The following BCAS3 variants were observed in gnomAD, a reference collection of about 807,000 sequenced individuals.
BCAS3 encodes the protein BCAS3 microtubule associated cell migration factor, also known as BCAS4/BCAS3 fusion.
In BCAS3, 53 loss-of-function variants were observed where a neutral mutation model predicts 116.1. The ratio of observed to expected loss-of-function variants is 0.46; its 90% CI spans 0.37 to 0.57. The LOEUF is 0.57. Among genes scored for constraint, BCAS3 ranks in the 20% least tolerant of loss-of-function variants. The pLI is 0.00. For synonymous variants in BCAS3, 391 were observed against 408.2 expected, an observed-to-expected ratio of 0.96 and a Z score of 0.51; for missense variants, 917 against 1,165.4, an observed-to-expected ratio of 0.79 and a Z score of 3.10.
chr17:61,236,601 T>C (rs2083081959), intron 22 of BCAS3, among the ~76,000 whole-genome samples: 1 of 152,200 alleles, frequency 6.6e-6, no homozygotes, highest in Admixed American at 6.5e-5. Context: ...ATTACAGGCG[T>C]GAGCCACCGC....
Position 61,200,788 on chromosome 17 carries a change from G to A in BCAS3, c.2425+116224G>A, listed in dbSNP as rs1295309110. Among the ~76,000 whole-genome samples the A allele has an allele frequency of 6.6e-6, 1 of 152,166 alleles. No homozygotes were observed. The highest frequency in any genetic ancestry group is 1.5e-5 in the Non-Finnish European group (1 of 68,022). On this transcript the variant is annotated intron_variant, in intron 22 of 23. Transcript: ENST00000407086. The surrounding 1 kb of genome is among the most constrained non-coding windows in gnomAD (Gnocchi z 5.1). ...TAACCTGTTTGAGCCTAATAATCAA[G>A]TATTGTACTGAAATTCCAAATAGAA... is the stretch of plus-strand genomic sequence containing the variant.
chr17:61,191,648 G>A (rs1004613561), intron 22 of BCAS3, among the ~76,000 whole-genome samples: 4 of 151,860 alleles, frequency 2.6e-5, no homozygotes, highest in African/African-American at 7.3e-5. Flanking sequence ...GGTGACGGGC[G>A]CCTATAGTCC....
In BCAS3 at chr17:61,386,795, TG is replaced by T. The variant is rs1220100086; in HGVS notation, c.2594-5181del. ...ACTGTTTTTTTTTGTTTTTGTTTTT[TG>T]TTTTTTTTTTTTTTTTTGAGATGCC... On this transcript the variant is annotated intron_variant, in intron 23 of 23. Coordinates refer to ENST00000407086, the MANE Select transcript of BCAS3 (RefSeq NM_017679.5). Among the ~76,000 whole-genome samples, 56 of 109,124 alleles carry T rather than the reference TG, an allele frequency of 5.1e-4. No individual in the cohort carries two copies. The East Asian group carries it at 8.8e-3, about 17-fold the overall frequency. The allele number at this position is 109,124 out of a possible 152,430, so 71.6% of individuals were successfully genotyped here.
At chr17:61,330,451 A>G (rs1476704457) in intron 22 of BCAS3, among the ~76,000 whole-genome samples, 1 of 152,114 alleles carries the variant, frequency 6.6e-6, no homozygotes, top group East Asian at 1.9e-4. Flanking sequence ...CCAAGTGTTC[A>G]CTTTGAATTG....
chr17:61,133,284 G>C (rs1271645278), intron 22 of BCAS3, among the ~76,000 whole-genome samples: 1 of 152,192 alleles, frequency 6.6e-6, no homozygotes, highest in African/African-American at 2.4e-5. Flanking sequence ...GGTTGGGTAA[G>C]AACTTTCACA....
rs558434429 is a variant in BCAS3, at chr17:60,927,523, G to A, written c.1087+3023G>A. The stretch of plus-strand genomic sequence containing the variant: ...ACTTGCCTCGGTCTCCCAAAGTGCT[G>A]GGATTACAGGCATGAGCCACCACCC... On this transcript the variant is annotated intron_variant, in intron 13 of 23. Transcript: ENST00000407086. Among the ~76,000 whole-genome samples, 19 of 152,164 alleles carry A rather than the reference G, an allele frequency of 1.2e-4. 1 individual carries two copies. In the South Asian group the frequency reaches 3.9e-3, roughly 32 times the overall value.
intron 4 of BCAS3, among the ~76,000 whole-genome samples, chr17:60,708,835 T>C (rs1336300292): frequency 6.6e-6 from 1 of 152,152 alleles, no homozygotes; most frequent in African/African-American, 2.4e-5. Flanking sequence ...GCCTATTTAT[T>C]TGAAATAGAG....
intron 22 of BCAS3, among the ~76,000 whole-genome samples, chr17:61,341,966 C>G (rs1490418226): frequency 6.6e-6 from 1 of 152,210 alleles, no homozygotes; most frequent in African/African-American, 2.4e-5. Context: ...GAGACGTGGA[C>G]AGGCAGTGGG....
At chr17:61,341,679 A>G (rs1476532528) in intron 22 of BCAS3, among the ~76,000 whole-genome samples, 1 of 152,176 alleles carries the variant, frequency 6.6e-6, no homozygotes, top group East Asian at 1.9e-4. Context: ...GACAGTTGCA[A>G]CTGAAAAGCA....
chr17:61,045,966 A>T (rs866341706), intron 19 of BCAS3, among the ~76,000 whole-genome samples: 6 of 8,964 alleles, frequency 6.7e-4, no homozygotes, highest in Non-Finnish European at 5.7e-4. Flanking sequence ...TATATATATA[A>T]TATATATATA....
chr17:61,117,033 T>C (rs1357211962), intron 22 of BCAS3, among the ~76,000 whole-genome samples: 1 of 152,200 alleles, frequency 6.6e-6, no homozygotes, highest in African/African-American at 2.4e-5. Flanking sequence ...AATTTATGTC[T>C]CTTAAAAGTG....
intron 22 of BCAS3, among the ~76,000 whole-genome samples, chr17:61,274,867 A>T (rs150879252): frequency 6.6e-6 from 1 of 152,128 alleles, no homozygotes; most frequent in East Asian, 1.9e-4. Context: ...TAATTTTATT[A>T]ATTTATTTGG....
intron 6 of BCAS3, among the ~76,000 whole-genome samples, chr17:60,751,834 C>T (rs761149369): frequency 1.2e-4 from 19 of 152,018 alleles, no homozygotes; most frequent in South Asian, 4.2e-4. Flanking sequence ...TGAGCCACTG[C>T]GCCCAGACTG....
In BCAS3 at chr17:61,097,211, C is replaced by T. The variant is rs906162364; in HGVS notation, c.2425+12647C>T. 6.6e-5 allele frequency among the ~76,000 whole-genome samples: 10 copies of T among 152,114 alleles called. No individual in the cohort carries two copies. Among genetic ancestry groups the T allele is most frequent in the African/African-American group, 1.9e-4 (8 of 41,424 alleles). On this transcript the variant is annotated intron_variant, in intron 22 of 23. Transcript: ENST00000407086. The surrounding 1 kb of genome is among the most constrained non-coding windows in gnomAD (Gnocchi z 4.0). ...TTTTCTTTTTTGAGACTGAGTCTCG[C>T]TCTGTCACCCAGGCTGGAGTGCAGT...
At chr17:60,693,046 T>C (rs960726561) in intron 4 of BCAS3, among the ~76,000 whole-genome samples, 5 of 151,862 alleles carry the variant, frequency 3.3e-5, no homozygotes, top group African/African-American at 1.2e-4. Flanking sequence ...GGCTAATTTT[T>C]TGTATTTTTA....
At position 61,083,697 on chromosome 17, in the gene BCAS3, G is replaced by A. The variant is rs2072842243; in HGVS notation, c.2328-770G>A. Among the ~76,000 whole-genome samples, 1 of 151,420 alleles carries A rather than the reference G, an allele frequency of 6.6e-6. No homozygotes were observed. The highest frequency in any genetic ancestry group is 6.6e-5 in the Admixed American group (1 of 15,142). On this transcript the variant is annotated intron_variant, in intron 21 of 23. Transcript: ENST00000407086. This position sits in a 1 kb window ranked among gnomAD's most constrained non-coding sequence, Gnocchi z 4.9. Reference sequence around the variant, plus strand: ...TGCAACCTCTGGTTTTTGGGTTCCAGCAGTTCTCCTGCCTCAGCCTCTTGA... The same window carrying A: ...TGCAACCTCTGGTTTTTGGGTTCCAACAGTTCTCCTGCCTCAGCCTCTTGA...
intron 9 of BCAS3, among the ~76,000 whole-genome samples, chr17:60,875,086 T>C (rs1430991249): frequency 1.3e-5 from 2 of 152,138 alleles, no homozygotes; most frequent in Non-Finnish European, 2.9e-5. Context: ...ATTATACCTT[T>C]ACATATGAGC....
At position 61,052,260 on chromosome 17, in the gene BCAS3, T is replaced by G. The variant is rs185595005; in HGVS notation, c.2029+11368T>G. 1.7e-3 allele frequency among the ~76,000 whole-genome samples: 257 copies of G among 152,282 alleles called. 1 individual carries two copies. The highest frequency in any genetic ancestry group is 5.4e-3 in the African/African-American group (223 of 41,578). On this transcript the variant is annotated intron_variant, in intron 19 of 23. Transcript: ENST00000407086. ...CTTATTCTTATTTTCCTCTCTGGTT[T>G]TATATAGTTTTTAATTCTGTATCTG... is the stretch of plus-strand genomic sequence containing the variant.
At chr17:60,711,679 T>A (rs1464984929) in intron 5 of BCAS3, among the ~76,000 whole-genome samples, 1 of 151,388 alleles carries the variant, frequency 6.6e-6, no homozygotes, top group Non-Finnish European at 1.5e-5. Context: ...TATGCCTAGA[T>A]TATATTTTGA....
Sources: gnomAD v4.1 joint callset for allele counts (sites outside exome capture counted in the v4.1 genomes callset) on GRCh38, gnomAD v4.1.1 for gene constraint, Gnocchi (gnomAD v3.1) non-coding constraint, MANE v1.5 for transcripts, NCBI Gene and HGNC (gene_info 2026-07-23, HGNC 2026-07-21) for gene names.